OSBPL9: variants seen among roughly 807,000 people sequenced by gnomAD.
The protein encoded by OSBPL9 is oxysterol binding protein like 9, also known as oxysterol-binding protein-related protein 9.
OSBPL9 carries 40 observed loss-of-function variants against 106.6 expected under a neutral mutation model. The ratio of observed to expected loss-of-function variants is 0.38; its 90% CI spans 0.29 to 0.49. OSBPL9 has a LOEUF of 0.49. Among genes scored for constraint, OSBPL9 ranks in the 20% least tolerant of loss-of-function variants. The probability of loss-of-function intolerance (pLI) is 0.97; values close to 1 mark genes in which losing one functional copy is unlikely to be tolerated. For synonymous variants in OSBPL9, 269 were observed against 295.4 expected (o/e 0.91, Z 0.92); for missense variants, 609 against 887.2 (o/e 0.69, Z 3.98).
chr1:51,683,058 G>A (rs12044648), intron 3 of OSBPL9, among the ~76,000 whole-genome samples: 5,532 of 151,928 alleles, frequency 0.036, 241 homozygotes, highest in East Asian at 0.11. Flanking sequence ...TGTATTTTTA[G>A]TAGAGATGGG....
chr1:51,634,029 G>C (rs1645271691), intron 1 of OSBPL9, among the ~76,000 whole-genome samples: 1 of 152,216 alleles, frequency 6.6e-6, no homozygotes, highest in Non-Finnish European at 1.5e-5. Context: ...CTAAATTGGA[G>C]TCTATAGGAT....
intron 4 of OSBPL9, among the ~76,000 whole-genome samples, chr1:51,720,214 C>G (rs966269540): frequency 3.3e-5 from 5 of 152,102 alleles, no homozygotes; most frequent in African/African-American, 1.2e-4. Context: ...TATAGGCTAT[C>G]AGGAATGAAA....
chr1:51,576,526 T>G (rs1052889696), upstream of OSBPL9, among the ~76,000 whole-genome samples: 7 of 152,006 alleles, frequency 4.6e-5, no homozygotes, highest in South Asian at 4.2e-4. Flanking sequence ...TTTTTTTGGG[T>G]TTTTTTGTTT....
intron 2 of OSBPL9, among the ~76,000 whole-genome samples, chr1:51,609,082 A>T (rs1643968146): frequency 6.6e-6 from 1 of 152,110 alleles, no homozygotes; most frequent in Admixed American, 6.6e-5. Flanking sequence ...CCTAATTCAT[A>T]TAGAAATAGA....
Position 51,671,650 on chromosome 1 carries a change from A to C in OSBPL9, c.241+2138A>C, listed in dbSNP as rs755697076. On this transcript the variant is annotated intron_variant, in intron 3 of 23. Coordinates refer to ENST00000428468, the MANE Select transcript of OSBPL9 (RefSeq NM_024586.6). ...CAACATGATAAGTTAGTAAAATATAAGTAAATGAGAGTGATAAGTCCTGGG... is the reference window on the plus strand; with the variant it reads ...CAACATGATAAGTTAGTAAAATATACGTAAATGAGAGTGATAAGTCCTGGG... 6.4e-4 allele frequency among the ~76,000 whole-genome samples: 97 copies of C among 152,228 alleles called. 1 individual carries two copies. The highest frequency in any genetic ancestry group is 1.3e-3 in the Admixed American group (20 of 15,282).
chr1:51,619,181 C>T (rs551002877), intron 1 of OSBPL9, among the ~76,000 whole-genome samples: 4 of 152,214 alleles, frequency 2.6e-5, no homozygotes, highest in African/African-American at 9.6e-5. Flanking sequence ...CAGAAAATCC[C>T]GTAAACTCTA....
intron 1 of OSBPL9, among the ~76,000 whole-genome samples, chr1:51,649,295 T>G (rs1249967589): frequency 1.3e-5 from 2 of 152,020 alleles, no homozygotes; most frequent in African/African-American, 2.4e-5. Flanking sequence ...TTAGTAGAGA[T>G]AGGGTTTCAC....
At chr1:51,648,873 G>A (rs2148697655) in intron 1 of OSBPL9, among the ~76,000 whole-genome samples, 1 of 152,274 alleles carries the variant, frequency 6.6e-6, no homozygotes, top group South Asian at 2.1e-4. Context: ...AGGATCTGCT[G>A]CTTCTGCTAT....
rs1663722865 is a variant in OSBPL9 at position 51,729,287 on chromosome 1, G to A, written c.318+15208G>A. The stretch of plus-strand genomic sequence containing the variant: ...CCCCACGCGACACAACTTTCCGGAA[G>A]TAAGCAAAATCCGTTATCAAGGTGA... On this transcript the variant is annotated intron_variant, in intron 4 of 23. Transcript: ENST00000428468. The surrounding 1 kb of genome is among the most constrained non-coding windows in gnomAD (Gnocchi z 5.1). 1 of 152,648 alleles carries A rather than the reference G, an allele frequency of 6.6e-6. No homozygotes were observed. Among genetic ancestry groups the A allele is most frequent in the Non-Finnish European group, 1.5e-5 (1 of 68,414 alleles). 9.5% of individuals were successfully genotyped at this position (152,648 alleles called of 1,614,324 possible).
chr1:51,566,001 A>G, the OSBPL9 span: 4 of 152,208 alleles, frequency 2.6e-5, no homozygotes, highest in African/African-American at 9.7e-5. Flanking sequence ...TACTCCACAC[A>G]TTCCCCATAT....
chr1:51,559,722 C>T, the OSBPL9 span, among the ~76,000 whole-genome samples: 1 of 152,110 alleles, frequency 6.6e-6, no homozygotes, highest in African/African-American at 2.4e-5. Flanking sequence ...AACAAAGATA[C>T]AGTTTAAAAT....
At chr1:51,605,698 C>A (rs1484700420) in intron 2 of OSBPL9, among the ~76,000 whole-genome samples, 2 of 152,104 alleles carry the variant, frequency 1.3e-5, no homozygotes, top group African/African-American at 4.8e-5. Flanking sequence ...ATGATTGGCT[C>A]TCAGCCGGGC....
At chr1:51,607,354 G>T (rs1643956185) in intron 2 of OSBPL9, among the ~76,000 whole-genome samples, 5 of 151,760 alleles carry the variant, frequency 3.3e-5, no homozygotes. Context: ...TAGAGATGGG[G>T]TTTCACCATG....
chr1:51,749,870 T>A (rs1485252804), intron 7 of OSBPL9, among the ~76,000 whole-genome samples: 2 of 150,030 alleles, frequency 1.3e-5, no homozygotes, highest in Non-Finnish European at 3.0e-5. Flanking sequence ...AGTGAGACCT[T>A]GTCTCTTAAA....
chr1:51,772,564 C>T, intron 13 of OSBPL9, 41 bp from the exon 14 acceptor site: 1 of 1,449,154 alleles, frequency 6.9e-7, no homozygotes, highest in Non-Finnish European at 9.7e-7. Flanking sequence ...GACAGATTGG[C>T]CCAATTTAGC....
chr1:51,699,518 GC>G (rs1557705053), intron 3 of OSBPL9, among the ~76,000 whole-genome samples: 1 of 152,014 alleles, frequency 6.6e-6, no homozygotes, highest in East Asian at 1.9e-4. Context: ...TTATTTTGAT[GC>G]TCAAATTGTC....
intron 3 of OSBPL9, among the ~76,000 whole-genome samples, chr1:51,683,379 C>T (rs2148806814): frequency 1.3e-5 from 2 of 151,630 alleles, no homozygotes; most frequent in Non-Finnish European, 1.5e-5. Flanking sequence ...AAGGTTTCTC[C>T]TTGTTGGTCA....
intron 13 of OSBPL9, 135 bp from the exon 14 acceptor site, chr1:51,772,470 C>T (rs921783180): frequency 1.0e-5 from 8 of 765,808 alleles, no homozygotes; most frequent in Non-Finnish European, 1.8e-5. Flanking sequence ...GAGCCAAGAT[C>T]GTGCCATTGC....
chr1:51,608,293 TTTAA>T (rs1643962200), intron 2 of OSBPL9, among the ~76,000 whole-genome samples: 1 of 152,018 alleles, frequency 6.6e-6, no homozygotes, highest in African/African-American at 2.4e-5. Flanking sequence ...TATTATTTTA[TTTAA>T]TTAATTATTT....
Sources: gnomAD v4.1 joint callset for allele counts (sites outside exome capture counted in the v4.1 genomes callset) on GRCh38, gnomAD v4.1.1 for gene constraint, Gnocchi (gnomAD v3.1) non-coding constraint, MANE v1.5 for transcripts, NCBI Gene and HGNC (gene_info 2026-07-23, HGNC 2026-07-21) for gene names.